The following RAB37 variants were observed in gnomAD, a reference collection of about 807,000 sequenced individuals.
RAB37 encodes ras-related protein Rab-37.
A neutral mutation model predicts 33.1 loss-of-function variants in RAB37; 29 were observed. That is an observed-to-expected ratio of 0.88 (90% CI 0.65 to 1.20). The LOEUF is 1.20. Ranked by LOEUF, RAB37 falls within the 50% of genes most tolerant of loss-of-function variation. The pLI is 0.00. For missense variants in RAB37, 299 were observed against 301.1 expected, an observed-to-expected ratio of 0.99 and a Z score of 0.05; for synonymous variants, 128 against 119.5, an observed-to-expected ratio of 1.07 and a Z score of -0.47.
At chr17:74,712,221 A>G (rs1309511736) in intron 1 of RAB37, among the ~76,000 whole-genome samples, 2 of 152,074 alleles carry the variant, frequency 1.3e-5, no homozygotes, top group Non-Finnish European at 2.9e-5. Context: ...TTTTAATAAA[A>G]ATTGTATGCA....
chr17:74,740,046 C>G (rs2034573440), intron 1 of RAB37, among the ~76,000 whole-genome samples: 1 of 151,798 alleles, frequency 6.6e-6, no homozygotes, highest in African/African-American at 2.4e-5. Flanking sequence ...ATCCCAGCTA[C>G]TCAGGAGGCT....
Position 74,744,559 on chromosome 17 carries a change from G to A in RAB37, c.432+186G>A. ...TCTGCCCCTTCCAGGGAAAGTCCAA[G>A]TTGTTGCCTGAGAAATCAAGGGGTG... On this transcript the variant is annotated intron_variant, in intron 6 of 8. Coordinates refer to ENST00000392613, the MANE Select transcript of RAB37 (RefSeq NM_001006638.3). This position sits in a 1 kb window ranked among gnomAD's most constrained non-coding sequence, Gnocchi z 4.2. The A allele has an allele frequency of 1.5e-6, 1 of 651,448 alleles. No individual in the cohort carries two copies. Among genetic ancestry groups the A allele is most frequent in the Non-Finnish European group, 2.7e-6 (1 of 374,256 alleles). The allele number at this position is 651,448 out of a possible 1,614,324, so 40.4% of individuals were successfully genotyped here. A position where few individuals can be genotyped will look rare whatever the true frequency, so the allele number is the denominator to read the frequency against.
At chr17:74,694,927 C>A in intron 1 of RAB37, 1 of 613,474 alleles carries the variant, frequency 1.6e-6, no homozygotes, top group South Asian at 2.6e-5. Context: ...TCCTAGAAGC[C>A]CCCTGAGACT....
At chr17:74,733,719 C>T (rs1371625417), upstream of RAB37, among the ~76,000 whole-genome samples, 1 of 151,912 alleles carries the variant, frequency 6.6e-6, no homozygotes, top group Non-Finnish European at 1.5e-5. Context: ...CCCCAGAGAC[C>T]ACACGGATCC....
chr17:74,683,176 T>C (rs2031987300), intron 1 of RAB37, among the ~76,000 whole-genome samples: 1 of 152,214 alleles, frequency 6.6e-6, no homozygotes, highest in Non-Finnish European at 1.5e-5. Flanking sequence ...GGAAACAAAC[T>C]GCTGTCACCC....
Position 74,745,692 on chromosome 17 carries a change from T to C in RAB37, c.*281T>C, listed in dbSNP as rs751160663. 116 of 348,780 alleles carry C rather than the reference T, an allele frequency of 3.3e-4. 1 individual carries two copies. The highest frequency in any genetic ancestry group is 3.1e-3 in the South Asian group (85 of 27,316). 21.6% of individuals were successfully genotyped at this position (348,780 alleles called of 1,614,324 possible). On this transcript the variant is annotated 3_prime_UTR_variant, in exon 9 of 9. Transcript: ENST00000392613. The surrounding 1 kb of genome is among the most constrained non-coding windows in gnomAD (Gnocchi z 4.5). ...CCAAAAAACCGAGGCTGGGAGCTAGTGGCCCTTTTGCTTTCTAGGACTTGG... is the reference window on the plus strand; with the variant it reads ...CCAAAAAACCGAGGCTGGGAGCTAGCGGCCCTTTTGCTTTCTAGGACTTGG...
rs139613336 is a variant in RAB37, at chr17:74,686,958, G to A, written c.72+15300G>A. Among the ~76,000 whole-genome samples the A allele has an allele frequency of 2.5e-4, 38 of 152,318 alleles. No individual in the cohort carries two copies. The East Asian group carries it at 6.8e-3, about 27-fold the overall frequency. On this transcript the variant is annotated intron_variant, in intron 1 of 7. Coordinates refer to the RAB37 transcript ENST00000340415. ...GCCTGTGACCTGTTGCTTCTTTGTC[G>A]TGGAAACCCTCTGCGTCATTGATAG...
chr17:74,740,077 A>G (rs2034573979), intron 1 of RAB37, among the ~76,000 whole-genome samples: 1 of 151,598 alleles, frequency 6.6e-6, no homozygotes, highest in South Asian at 2.1e-4. Context: ...AATCATTTAA[A>G]CCTGGGAGGT....
chr17:74,735,493 G>T (rs1380913813), upstream of RAB37, among the ~76,000 whole-genome samples: 1 of 152,166 alleles, frequency 6.6e-6, no homozygotes, highest in Non-Finnish European at 1.5e-5. Context: ...CCAAGATCCC[G>T]CCACTGCACT....
chr17:74,686,208 C>T (rs1217247052), intron 1 of RAB37, among the ~76,000 whole-genome samples: 1 of 152,076 alleles, frequency 6.6e-6, no homozygotes, highest in Non-Finnish European at 1.5e-5. Context: ...TCTCCTACCT[C>T]AGCATCCCAG....
rs530577666 is a variant in RAB37 at position 74,680,490 on chromosome 17, G to GA, written c.72+8838dup. Among the ~76,000 whole-genome samples the GA allele has an allele frequency of 1.2e-4, 19 of 152,120 alleles. No homozygotes were observed. The East Asian group carries it at 3.1e-3, about 25-fold the overall frequency. On this transcript the variant is annotated intron_variant, in intron 1 of 7. Transcript: ENST00000340415. ...TGTTCGCTAAGCATGAAATCCAGGGGAAAAAATGGAACTTGGAGGATTCAA... is the reference window on the plus strand; with the variant it reads ...TGTTCGCTAAGCATGAAATCCAGGGGAAAAAAATGGAACTTGGAGGATTCAA...
intron 1 of RAB37, among the ~76,000 whole-genome samples, chr17:74,722,399 G>A (rs895007299): frequency 3.3e-5 from 5 of 152,148 alleles, no homozygotes; most frequent in African/African-American, 7.2e-5. Flanking sequence ...ATTTTCAGGC[G>A]AGAGTTGATG....
At chr17:74,681,899 T>A (rs971278784) in intron 1 of RAB37, among the ~76,000 whole-genome samples, 2 of 152,240 alleles carry the variant, frequency 1.3e-5, no homozygotes, top group African/African-American at 4.8e-5. Flanking sequence ...GTCCACCACC[T>A]GTCCTGACCA....
intron 1 of RAB37, among the ~76,000 whole-genome samples, chr17:74,683,631 A>G (rs781724082): frequency 1.3e-5 from 2 of 152,126 alleles, no homozygotes; most frequent in Non-Finnish European, 2.9e-5. Flanking sequence ...CTGTATTTTT[A>G]TTTTATATAG....
chr17:74,697,367 G>T (rs751816894), intron 1 of RAB37, among the ~76,000 whole-genome samples: 1 of 152,128 alleles, frequency 6.6e-6, no homozygotes, highest in African/African-American at 2.4e-5. Context: ...GAAATGGGGG[G>T]TTTTCCCCTG....
At chr17:74,686,030 G>A (rs1439551243) in intron 1 of RAB37, among the ~76,000 whole-genome samples, 1 of 152,156 alleles carries the variant, frequency 6.6e-6, no homozygotes, top group East Asian at 1.9e-4. Context: ...CACCAGCACT[G>A]CCCCTGGGCA....
chr17:74,677,246 G>C (rs1045300784), intron 1 of RAB37: 4 of 152,146 alleles, frequency 2.6e-5, no homozygotes, highest in African/African-American at 9.7e-5. Context: ...CCATGGGACT[G>C]TCACCTATTA....
At chr17:74,682,427 C>G (rs902491814) in intron 1 of RAB37, among the ~76,000 whole-genome samples, 1 of 152,186 alleles carries the variant, frequency 6.6e-6, no homozygotes, top group Non-Finnish European at 1.5e-5. Context: ...GGATCACATC[C>G]TCACAGCTCC....
chr17:74,675,763 G>A (rs894531137), intron 1 of RAB37, among the ~76,000 whole-genome samples: 4 of 152,184 alleles, frequency 2.6e-5, no homozygotes, highest in Admixed American at 6.5e-5. Context: ...CAAATATCAT[G>A]ATAGGCATTG....
Sources: gnomAD v4.1 joint callset for allele counts (sites outside exome capture counted in the v4.1 genomes callset) on GRCh38, gnomAD v4.1.1 for gene constraint, Gnocchi (gnomAD v3.1) non-coding constraint, MANE v1.5 for transcripts, NCBI Gene and HGNC (gene_info 2026-07-23, HGNC 2026-07-21) for gene names.